TULP3: variants seen among roughly 807,000 people sequenced by gnomAD.
TULP3 encodes tubby-related protein 3.
A neutral mutation model predicts 50.7 loss-of-function variants in TULP3; 38 were observed. That is an observed-to-expected ratio of 0.75 (90% confidence interval 0.58 to 0.98). The LOEUF is 0.98. Among genes scored for constraint, TULP3 ranks in the 50% least tolerant of loss-of-function variants. The pLI, the probability that TULP3 is intolerant of heterozygous loss-of-function variation, is 0.00. For synonymous variants in TULP3, 183 were observed against 196.6 expected, an observed-to-expected ratio of 0.93 and a Z score of 0.58; for missense variants, 550 against 568.0, an observed-to-expected ratio of 0.97 and a Z score of 0.32.
At chr12:2,901,574 G>A (rs2098179305) in intron 1 of TULP3, among the ~76,000 whole-genome samples, 1 of 151,738 alleles carries the variant, frequency 6.6e-6, no homozygotes, top group Non-Finnish European at 1.5e-5. Flanking sequence ...GTAGAGATGG[G>A]ATTTCACCAT....
chr12:2,899,067 T>C (rs2098177269), intron 1 of TULP3, among the ~76,000 whole-genome samples: 1 of 152,104 alleles, frequency 6.6e-6, no homozygotes, highest in South Asian at 2.1e-4. Flanking sequence ...ATTCATAGGC[T>C]GGGCACAGTG....
intron 3 of TULP3, 43 bp downstream of exon 3, chr12:2,920,965 T>G (rs781712445): frequency 6.2e-7 from 1 of 1,608,060 alleles, no homozygotes; most frequent in East Asian, 2.2e-5. Context: ...GGTACAATTT[T>G]CACAAACCTA....
chr12:2,937,943 A>C (rs1212038076), intron 9 of TULP3, among the ~76,000 whole-genome samples, 171 bp from the exon 10 acceptor site: 2 of 152,136 alleles, frequency 1.3e-5, no homozygotes, highest in Non-Finnish European at 2.9e-5. Flanking sequence ...CTACAAAGAG[A>C]AATGCTGGAT....
Position 2,937,799 on chromosome 12 carries a change from C to CCA in TULP3, c.1023+70_1023+71insCA, listed in dbSNP as rs397774608. The CCA allele has an allele frequency of 9.3e-3, 6,622 of 715,816 alleles. 5 individuals carry two copies. Among genetic ancestry groups the CCA allele is most frequent in the South Asian group, 0.014 (589 of 40,640 alleles). 44.3% of individuals were successfully genotyped at this position (715,816 alleles called of 1,614,324 possible). A position where few individuals can be genotyped will look rare whatever the true frequency, so the allele number is the denominator to read the frequency against. Reference sequence around the variant, plus strand: ...GTAGTACAATACACAGAGATTAATACAAAAAAAAAAAAAAAGATTGAGCTT... The same window carrying CCA: ...GTAGTACAATACACAGAGATTAATACCAAAAAAAAAAAAAAAAGATTGAGCTT... On this transcript the variant is annotated intron_variant, in intron 9 of 10. Transcript: ENST00000448120.
intron 1 of TULP3, 50 bp downstream of exon 1, chr12:2,891,038 A>G (rs1407156466): frequency 6.7e-7 from 1 of 1,502,060 alleles, no homozygotes. Context: ...GGAGGGGCGA[A>G]GCGAGAAGGC....
At chr12:2,899,631 C>T (rs537504825) in intron 1 of TULP3, among the ~76,000 whole-genome samples, 18 of 152,204 alleles carry the variant, frequency 1.2e-4, no homozygotes, top group Non-Finnish European at 1.3e-4. Context: ...TGGTGGCTCA[C>T]GCCTGTAATC....
intron 4 of TULP3, among the ~76,000 whole-genome samples, chr12:2,924,111 G>A (rs1166551256): frequency 6.6e-6 from 1 of 152,192 alleles, no homozygotes; most frequent in Non-Finnish European, 1.5e-5. Flanking sequence ...TATTCTAATT[G>A]AAGCTTCATG....
At chr12:2,926,859 A>G (rs1350397466) in intron 4 of TULP3, among the ~76,000 whole-genome samples, 2 of 152,230 alleles carry the variant, frequency 1.3e-5, no homozygotes, top group South Asian at 2.1e-4. Context: ...GTGAACAGAC[A>G]TCGCGCCATT....
intron 4 of TULP3, among the ~76,000 whole-genome samples, chr12:2,925,339 C>A (rs563330385): frequency 6.6e-6 from 1 of 152,210 alleles, no homozygotes; most frequent in South Asian, 2.1e-4. Flanking sequence ...GATGGCCTGA[C>A]CTCCAGTTCC....
At chr12:2,919,431 T>C (rs1197620034) in intron 2 of TULP3, among the ~76,000 whole-genome samples, 1 of 152,200 alleles carries the variant, frequency 6.6e-6, no homozygotes, top group Non-Finnish European at 1.5e-5. Context: ...AATTAATCAG[T>C]GTGCTCTCAT....
intron 2 of TULP3, among the ~76,000 whole-genome samples, chr12:2,917,705 A>G (rs1217083537): frequency 2.6e-5 from 4 of 151,696 alleles, no homozygotes; most frequent in East Asian, 3.9e-4. Flanking sequence ...GTGAAACCTC[A>G]TCTTTACTAA....
Position 2,939,484 on chromosome 12 carries a change from T to G in TULP3, c.*40T>G, listed in dbSNP as rs767056495. The G allele has an allele frequency of 6.2e-7, 1 of 1,610,786 alleles. No individual in the cohort carries two copies. The highest frequency in any genetic ancestry group is 1.1e-5 in the South Asian group (1 of 90,578). The stretch of plus-strand genomic sequence containing the variant: ...AGGGAGCCCTTCTCCCCACAGAGCT[T>G]TCAGGAGCAGACAGTGGCCTCCCCT... On this transcript the variant is annotated 3_prime_UTR_variant, in exon 11 of 11. Transcript: ENST00000448120. The surrounding 1 kb of genome is among the most constrained non-coding windows in gnomAD (Gnocchi z 4.0).
Position 2,928,579 on chromosome 12 carries a change from A to G in TULP3, c.395-1669A>G, listed in dbSNP as rs533888801. Among the ~76,000 whole-genome samples, 10 of 152,176 alleles carry G rather than the reference A, an allele frequency of 6.6e-5. No homozygotes were observed. The East Asian group carries it at 1.9e-3, about 29-fold the overall frequency. ...AAAAGAAAATGCTGAGGGGAATAAA[A>G]CTGCTGTAAAGAATAATGCATCATT... On this transcript the variant is annotated intron_variant, in intron 4 of 10. Transcript: ENST00000448120.
chr12:2,933,660 A>C (rs2098199521), intron 7 of TULP3, 130 bp downstream of exon 7: 2 of 532,136 alleles, frequency 3.8e-6, no homozygotes, highest in Non-Finnish European at 6.2e-6. Context: ...GAAAAAGGAA[A>C]AAAAAAAAAG....
chr12:2,916,586 C>T (rs888962440), intron 2 of TULP3, among the ~76,000 whole-genome samples: 6 of 152,150 alleles, frequency 3.9e-5, no homozygotes, highest in African/African-American at 1.4e-4. Flanking sequence ...TGGCTTTCTT[C>T]CTGGCTCCCT....
intron 1 of TULP3, among the ~76,000 whole-genome samples, chr12:2,906,694 T>TCACCTGAGGTCAGGAGTTTGAGAC (rs1314659336): frequency 2.0e-5 from 3 of 150,282 alleles, no homozygotes; most frequent in Non-Finnish European, 4.4e-5. Flanking sequence ...GGTGGGTGGA[T>TCACCTGAGGTCAGGAGTTTGAGAC]CACCTGAGGT....
At chr12:2,898,032 C>G (rs895234562) in intron 1 of TULP3, among the ~76,000 whole-genome samples, 1 of 146,814 alleles carries the variant, frequency 6.8e-6, no homozygotes, top group African/African-American at 2.5e-5. Flanking sequence ...GAGCCAAGAT[C>G]GCGCCATTGC....
intron 6 of TULP3, among the ~76,000 whole-genome samples, chr12:2,932,692 G>GTTAT (rs2098198807): frequency 6.6e-6 from 1 of 151,626 alleles, no homozygotes; most frequent in Non-Finnish European, 1.5e-5. Flanking sequence ...AACATTGATT[G>GTTAT]TTATTTATTT....
intron 7 of TULP3, among the ~76,000 whole-genome samples, chr12:2,934,139 C>T (rs1351395195): frequency 6.6e-6 from 1 of 151,942 alleles, no homozygotes; most frequent in African/African-American, 2.4e-5. Context: ...CCCCAGCTAC[C>T]CAGGAGGCTA....
Sources: gnomAD v4.1 joint callset for allele counts (sites outside exome capture counted in the v4.1 genomes callset) on GRCh38, gnomAD v4.1.1 for gene constraint, Gnocchi (gnomAD v3.1) non-coding constraint, MANE v1.5 for transcripts, NCBI Gene and HGNC (gene_info 2026-07-23, HGNC 2026-07-21) for gene names.